CDC14B: variants seen among roughly 807,000 people sequenced by gnomAD.
CDC14B encodes the protein dual specificity protein phosphatase CDC14B.
CDC14B carries 22 observed loss-of-function variants against 64.2 expected under a neutral mutation model. The observed-to-expected ratio is 0.34, with a 90% CI of 0.24 to 0.49. The LOEUF is 0.49. Among genes scored for constraint, CDC14B ranks in the 20% least tolerant of loss-of-function variants. CDC14B has a pLI of 0.99. For synonymous variants in CDC14B, 191 were observed against 215.8 expected, an observed-to-expected ratio of 0.89 and a Z score of 1.01; for missense variants, 498 against 629.9, an observed-to-expected ratio of 0.79 and a Z score of 2.24.
chr9:96,531,816 T>C lies in CDC14B; in HGVS notation c.946+2111A>G, dbSNP rs117818212. ...CTTGTTACAATAAAACTAGCTTTTATAGTGGTCCTTGTATTTGCCTTTATC... is the reference window on the plus strand; with the variant it reads ...CTTGTTACAATAAAACTAGCTTTTACAGTGGTCCTTGTATTTGCCTTTATC... On this transcript the variant is annotated intron_variant, in intron 9 of 13. Coordinates refer to ENST00000375241, the MANE Select transcript of CDC14B (RefSeq NM_033331.4). 3.6e-3 allele frequency among the ~76,000 whole-genome samples: 552 copies of C among 152,324 alleles called. 2 individuals carry two copies. The highest frequency in any genetic ancestry group is 5.1e-3 in the Non-Finnish European group (347 of 68,022).
At chr9:96,537,863 C>T (rs113659111) in intron 7 of CDC14B, among the ~76,000 whole-genome samples, 10 of 152,020 alleles carry the variant, frequency 6.6e-5, no homozygotes, top group South Asian at 2.1e-4. Flanking sequence ...GCTGGGACTA[C>T]AGGCGCCCAC....
At chr9:96,617,820 C>T (rs1165543054) in intron 1 of CDC14B, among the ~76,000 whole-genome samples, 1 of 152,146 alleles carries the variant, frequency 6.6e-6, no homozygotes, top group South Asian at 2.1e-4. Context: ...AAAATTAAAT[C>T]CCATTCAACA....
Position 96,523,719 on chromosome 9 carries a change from A to C in CDC14B, c.953T>G (p.Leu318Arg), listed in dbSNP as rs762509466. ...GGCTATCAGAGTGCCCGTGCGACCA[A>C]GGCCAGCTAGGAAAATAAAGAAGCA... is the stretch of plus-strand genomic sequence containing the variant. The part of the protein sequence containing the change: ...GAIAVHCKAG[L>R]GRTGTLIACY... Residue 318 changes from leucine to arginine, a missense_variant, in exon 10 of 14, where the codon CTT (leucine) becomes CGT (arginine). Physicochemically the swap from Leu to Arg is moderately radical, Grantham distance 102. Transcript: ENST00000375241. The C allele has an allele frequency of 6.2e-7, 1 of 1,611,282 alleles. No homozygotes were observed. The highest frequency in any genetic ancestry group is 1.3e-5 in the African/African-American group (1 of 74,972).
intron 1 of CDC14B, among the ~76,000 whole-genome samples, chr9:96,604,772 G>A (rs978487386): frequency 1.3e-5 from 2 of 151,806 alleles, no homozygotes; most frequent in Non-Finnish European, 2.9e-5. Flanking sequence ...GGGTTCAAGC[G>A]ATTCTCCTGC....
chr9:96,533,218 C>A (rs934121775), intron 9 of CDC14B, among the ~76,000 whole-genome samples: 9 of 152,256 alleles, frequency 5.9e-5, no homozygotes, highest in Non-Finnish European at 1.3e-4. Context: ...ATCCGCCCGC[C>A]ATGGCCTCCC....
At chr9:96,589,338 TA>T (rs11292688) in intron 1 of CDC14B, among the ~76,000 whole-genome samples, 95,461 of 147,898 alleles carry the variant, frequency 0.65, 32,177 homozygotes, top group East Asian at 0.95. Context: ...GACTCCGTCT[TA>T]AAAAAAAAAA....
chr9:96,611,612 A>G (rs751208287), intron 1 of CDC14B, among the ~76,000 whole-genome samples: 8 of 152,236 alleles, frequency 5.3e-5, no homozygotes, highest in Admixed American at 4.6e-4. Context: ...CATTTTTCCC[A>G]GGGTAATAAA....
At chr9:96,617,344 T>C (rs1275259245) in intron 1 of CDC14B, among the ~76,000 whole-genome samples, 3 of 152,050 alleles carry the variant, frequency 2.0e-5, no homozygotes, top group Non-Finnish European at 2.9e-5. Context: ...TTTATTCCAA[T>C]GACTTTGCTG....
intron 1 of CDC14B, among the ~76,000 whole-genome samples, chr9:96,613,098 T>C (rs528492392): frequency 1.8e-4 from 28 of 152,366 alleles, no homozygotes; most frequent in Admixed American, 1.7e-3. Context: ...CAGGTAGTCA[T>C]GGCTTTGCCA....
At chr9:96,530,525 C>A (rs1056893717) in intron 9 of CDC14B, among the ~76,000 whole-genome samples, 1 of 151,708 alleles carries the variant, frequency 6.6e-6, no homozygotes, top group African/African-American at 2.4e-5. Flanking sequence ...GGCAATCTAC[C>A]CACCTCGGCC....
At chr9:96,576,946 T>C (rs147260077) in intron 1 of CDC14B, among the ~76,000 whole-genome samples, 1,751 of 152,252 alleles carry the variant, frequency 0.012, 19 homozygotes, top group Middle Eastern at 0.044. Flanking sequence ...GTTCAATGAC[T>C]ACAATACAAT....
intron 13 of CDC14B, 80 bp from the exon 14 acceptor site, chr9:96,503,869 C>T: frequency 9.0e-7 from 1 of 1,113,790 alleles, no homozygotes; most frequent in Non-Finnish European, 1.3e-6. Context: ...AGGAGGGCAA[C>T]ATAATAAAAA....
chr9:96,514,311 G>T (rs1458839715), intron 12 of CDC14B: 4 of 552,492 alleles, frequency 7.2e-6, no homozygotes, highest in Non-Finnish European at 9.2e-6. Flanking sequence ...AGTTTGAGAA[G>T]AATAACTCTA....
chr9:96,606,723 C>T (rs1281999111), intron 1 of CDC14B, among the ~76,000 whole-genome samples: 2 of 151,882 alleles, frequency 1.3e-5, no homozygotes, highest in Non-Finnish European at 1.5e-5. Flanking sequence ...CACGCCACCA[C>T]GCCCGGCTAA....
intron 12 of CDC14B, among the ~76,000 whole-genome samples, chr9:96,518,461 G>A (rs1836097594): frequency 6.6e-6 from 1 of 152,042 alleles, no homozygotes; most frequent in African/African-American, 2.4e-5. Context: ...GTTGCAGTGA[G>A]CCAAGATTAC....
chr9:96,539,037 G>T, intron 7 of CDC14B, 41 bp downstream of exon 7: 1 of 1,265,140 alleles, frequency 7.9e-7, no homozygotes, highest in Non-Finnish European at 1.2e-6. Context: ...AAAGCTGGGC[G>T]GGGGGAGGAA....
At chr9:96,550,732 G>A (rs1193900265) in intron 5 of CDC14B, among the ~76,000 whole-genome samples, 1 of 152,120 alleles carries the variant, frequency 6.6e-6, no homozygotes, top group African/African-American at 2.4e-5. Flanking sequence ...AAACTATAGA[G>A]CTAAGTCAAG....
chr9:96,553,850 G>A (rs2132096420), intron 4 of CDC14B, among the ~76,000 whole-genome samples: 1 of 151,708 alleles, frequency 6.6e-6, no homozygotes, highest in South Asian at 2.1e-4. Context: ...CTTCCTAGCA[G>A]ATTAAAAAAA....
At chr9:96,593,322 A>G (rs1385722873) in intron 1 of CDC14B, among the ~76,000 whole-genome samples, 1 of 152,100 alleles carries the variant, frequency 6.6e-6, no homozygotes, top group Non-Finnish European at 1.5e-5. Flanking sequence ...CCCCGTCTCT[A>G]CTAAAAATAC....
Sources: gnomAD v4.1 joint callset for allele counts (sites outside exome capture counted in the v4.1 genomes callset) on GRCh38, gnomAD v4.1.1 for gene constraint, MANE v1.5 for transcripts, NCBI Gene and HGNC (gene_info 2026-07-23, HGNC 2026-07-21) for gene names.